Variants in CAMTA1 observed in about 807,000 individuals in gnomAD.
CAMTA1 encodes the protein calmodulin-binding transcription activator 1.
A neutral mutation model predicts 170.9 loss-of-function variants in CAMTA1; 27 were observed. The ratio of observed to expected loss-of-function variants is 0.16; its 90% CI spans 0.12 to 0.22. The LOEUF is 0.22. Ranked by LOEUF, CAMTA1 falls within the 10% of genes least tolerant of loss-of-function variation. The pLI is 1.00. For missense variants in CAMTA1, 1,619 were observed against 2,217.2 expected (o/e 0.73, Z 5.42); for synonymous variants, 833 against 891.5 (o/e 0.93, Z 1.17).
At chr1:7,576,775 C>A (rs533969045) in intron 6 of CAMTA1, among the ~76,000 whole-genome samples, 183 of 152,284 alleles carry the variant, frequency 1.2e-3, no homozygotes, top group African/African-American at 4.2e-3. Context: ...AGGGAGCCAG[C>A]AACCATCCTT....
intron 5 of CAMTA1, among the ~76,000 whole-genome samples, chr1:7,401,949 C>T (rs1050229213): frequency 6.6e-6 from 1 of 152,162 alleles, no homozygotes; most frequent in Non-Finnish European, 1.5e-5. Flanking sequence ...GATCCCCATG[C>T]CTGACTCTGA....
At chr1:7,631,394 G>T (rs117941772) in intron 6 of CAMTA1, among the ~76,000 whole-genome samples, 1 of 152,174 alleles carries the variant, frequency 6.6e-6, no homozygotes, top group South Asian at 2.1e-4. Context: ...ACTTCAAGCA[G>T]GGCTGGCACC....
chr1:7,571,394 G>A (rs1387004350), intron 6 of CAMTA1, among the ~76,000 whole-genome samples: 1 of 152,176 alleles, frequency 6.6e-6, no homozygotes, highest in East Asian at 1.9e-4. Context: ...TGGTAAACTT[G>A]TGTCACAGGG....
chr1:7,657,031 T>C (rs1343607748), intron 7 of CAMTA1, among the ~76,000 whole-genome samples: 1 of 152,152 alleles, frequency 6.6e-6, no homozygotes, highest in East Asian at 1.9e-4. Flanking sequence ...GAGAATGCAG[T>C]CCCCGGCCTG....
chr1:7,747,334 T>C (rs11121018), intron 18 of CAMTA1, among the ~76,000 whole-genome samples: 99,832 of 151,972 alleles, frequency 0.66, 33,464 homozygotes, highest in Middle Eastern at 0.76. Context: ...CTCAAAGTAG[T>C]CTCTAACCAC....
At chr1:7,413,777 G>A (rs1393371723) in intron 5 of CAMTA1, among the ~76,000 whole-genome samples, 1 of 152,158 alleles carries the variant, frequency 6.6e-6, no homozygotes, top group Non-Finnish European at 1.5e-5. Flanking sequence ...GCCCTGGCCA[G>A]AACTTCCAAC....
At chr1:7,437,184 G>T (rs188488028) in intron 5 of CAMTA1, among the ~76,000 whole-genome samples, 1 of 152,132 alleles carries the variant, frequency 6.6e-6, no homozygotes, top group African/African-American at 2.4e-5. Context: ...GCAGGTCTCC[G>T]GTGTCCAACC....
At chr1:7,743,401 T>C (rs1343669574) in intron 16 of CAMTA1, among the ~76,000 whole-genome samples, 1 of 152,134 alleles carries the variant, frequency 6.6e-6, no homozygotes, top group African/African-American at 2.4e-5. Context: ...AGTAAACATA[T>C]ACAGCTGAGC....
In CAMTA1 at chr1:7,293,871, TGGA is replaced by T. The variant is rs1466043777; in HGVS notation, c.438+44250_438+44252del. On this transcript the variant is annotated intron_variant, in intron 5 of 22. Coordinates refer to ENST00000303635, the MANE Select transcript of CAMTA1 (RefSeq NM_015215.4). This position sits in a 1 kb window ranked among gnomAD's most constrained non-coding sequence, Gnocchi z 4.1. Reference sequence around the variant, plus strand: ...CCCGGGGGGCCTCTTTGGAGCCTGTTGGAGGAGATTTTGTAGTAATGAGCATTT... The same window carrying T: ...CCCGGGGGGCCTCTTTGGAGCCTGTTGGAGATTTTGTAGTAATGAGCATTT... Among the ~76,000 whole-genome samples the T allele has an allele frequency of 3.3e-5, 5 of 152,256 alleles. No homozygotes were observed. The highest frequency in any genetic ancestry group is 7.3e-5 in the Non-Finnish European group (5 of 68,040).
At chr1:7,640,653 T>C in intron 7 of CAMTA1, 100 bp downstream of exon 7, 1 of 1,357,090 alleles carries the variant, frequency 7.4e-7, no homozygotes, top group Non-Finnish European at 1.0e-6. Flanking sequence ...GGGATGCGGG[T>C]CCGGAGCCCC....
chr1:7,077,259 C>T (rs1213495016), intron 3 of CAMTA1, among the ~76,000 whole-genome samples: 4 of 123,292 alleles, frequency 3.2e-5, no homozygotes, highest in Non-Finnish European at 5.0e-5. Flanking sequence ...CCTATTTTCT[C>T]CCTGTATGAA....
At chr1:6,974,740 C>T (rs1440618370) in intron 3 of CAMTA1, among the ~76,000 whole-genome samples, 2 of 152,216 alleles carry the variant, frequency 1.3e-5, no homozygotes, top group Non-Finnish European at 2.9e-5. Context: ...CAGAAGGCTT[C>T]AGTTTGGCAA....
At chr1:7,323,420 C>T (rs1314612713) in intron 5 of CAMTA1, among the ~76,000 whole-genome samples, 1 of 151,528 alleles carries the variant, frequency 6.6e-6, no homozygotes, top group Non-Finnish European at 1.5e-5. Context: ...GGAAGGAAAT[C>T]CAAACCACCC....
At chr1:7,556,567 C>A (rs2094881146) in intron 6 of CAMTA1, among the ~76,000 whole-genome samples, 2 of 152,192 alleles carry the variant, frequency 1.3e-5, no homozygotes, top group South Asian at 4.1e-4. Flanking sequence ...GCCAATTCAA[C>A]ACCACTGTTC....
At chr1:7,158,020 G>T (rs1429757483) in intron 4 of CAMTA1, among the ~76,000 whole-genome samples, 1 of 152,106 alleles carries the variant, frequency 6.6e-6, no homozygotes, top group South Asian at 2.1e-4. Flanking sequence ...TTAGCCAGGC[G>T]TGGTGGTGGG....
At chr1:6,805,796 C>T (rs1314833712) in intron 1 of CAMTA1, among the ~76,000 whole-genome samples, 1 of 152,198 alleles carries the variant, frequency 6.6e-6, no homozygotes, top group East Asian at 1.9e-4. Flanking sequence ...CAAGTATGAG[C>T]TGCTGTGCTG....
chr1:7,458,373 G>T (rs1467342356), intron 5 of CAMTA1, among the ~76,000 whole-genome samples: 1 of 152,182 alleles, frequency 6.6e-6, no homozygotes, highest in Non-Finnish European at 1.5e-5. Flanking sequence ...TGCAGAGAGG[G>T]ATTCATACTA....
chr1:7,758,133 T>C (rs568304238), intron 22 of CAMTA1, among the ~76,000 whole-genome samples: 3 of 152,338 alleles, frequency 2.0e-5, no homozygotes, highest in South Asian at 4.1e-4. Context: ...TCATGCATGT[T>C]ATATGCAATT....
chr1:7,016,587 A>G (rs1700563830), intron 3 of CAMTA1, among the ~76,000 whole-genome samples: 1 of 152,236 alleles, frequency 6.6e-6, no homozygotes, highest in Non-Finnish European at 1.5e-5. Flanking sequence ...TAATCCCAGC[A>G]CTTGGGGAAG....
Sources: allele counts gnomAD v4.1 joint callset (sites outside exome capture counted in the v4.1 genomes callset), GRCh38; gene constraint gnomAD v4.1.1; non-coding constraint Gnocchi (gnomAD v3.1); transcripts MANE v1.5; gene names NCBI Gene and HGNC (gene_info 2026-07-23, HGNC 2026-07-21).